The following NDUFA7 variants were observed in gnomAD, a reference collection of about 807,000 sequenced individuals.
The protein encoded by NDUFA7 is NADH:ubiquinone oxidoreductase subunit A7.
NDUFA7 carries 18 observed loss-of-function variants against 14.2 expected under a neutral mutation model. The observed-to-expected ratio is 1.27, with a 90% CI of 0.88 to 1.88. The LOEUF is 1.88. Ranked by LOEUF, NDUFA7 falls within the 40% of genes most tolerant of loss-of-function variation. The pLI is 0.00. For synonymous variants in NDUFA7, 75 were observed against 62.1 expected (o/e 1.21, Z -0.98); for missense variants, 172 against 147.3 (o/e 1.17, Z -0.87).
intron 3 of NDUFA7, among the ~76,000 whole-genome samples, chr19:8,313,862 GC>G (rs1970205383): frequency 6.6e-6 from 1 of 152,228 alleles, no homozygotes; most frequent in African/African-American, 2.4e-5. Context: ...CTGACTCTGT[GC>G]CAGGCTCCAA....
At chr19:8,314,247 G>A (rs1247450492) in intron 3 of NDUFA7, among the ~76,000 whole-genome samples, 1 of 151,918 alleles carries the variant, frequency 6.6e-6, no homozygotes, top group Non-Finnish European at 1.5e-5. Context: ...CTTGATCCTA[G>A]GAGGTGGAGG....
Position 8,316,515 on chromosome 19 carries a change from A to T in NDUFA7, c.232T>A (p.Ser78Thr). The T allele has an allele frequency of 4.3e-6, 7 of 1,613,958 alleles. No homozygotes were observed. Among genetic ancestry groups the T allele is most frequent in the Non-Finnish European group, 5.9e-6 (7 of 1,179,970 alleles). ...CCTCACCTCTCTGCTGGCTTGCCTG[A>T]CACCAGCGCCTTCTGCGACGACATG... is the stretch of plus-strand genomic sequence containing the variant. ...IIMSSQKALVSGKPAESSAVA... is the reference protein window; with the variant it reads ...IIMSSQKALVTGKPAESSAVA... Residue 78 changes from serine to threonine, a missense_variant, in exon 3 of 4, where the codon TCA becomes ACA. By Grantham distance (58) the Ser-to-Thr change is moderately conservative (BLOSUM62 1). Coordinates refer to ENST00000301457, the MANE Select transcript of NDUFA7 (RefSeq NM_005001.5).
At chr19:8,317,278 A>T (rs1176247819) in intron 2 of NDUFA7, among the ~76,000 whole-genome samples, 1 of 152,148 alleles carries the variant, frequency 6.6e-6, no homozygotes, top group Admixed American at 6.5e-5. Flanking sequence ...AGAAATGCTC[A>T]AAACAAGGAT....
rs886900204 is a variant in NDUFA7, at chr19:8,318,902, C to T, written c.101+1955G>A. On this transcript the variant is annotated intron_variant, in intron 2 of 3. Coordinates refer to ENST00000301457, the MANE Select transcript of NDUFA7 (RefSeq NM_005001.5). ...AGGAGAATCACTTGAACCCGGGAGG[C>T]GGAGATTGCAGTGATCTCAGATCCG... Among the ~76,000 whole-genome samples, 6 of 148,702 alleles carry T rather than the reference C, an allele frequency of 4.0e-5. No individual in the cohort carries two copies. The East Asian group carries it at 6.1e-4, about 15-fold the overall frequency.
intron 2 of NDUFA7, among the ~76,000 whole-genome samples, chr19:8,317,613 T>C (rs2145396993): frequency 6.6e-6 from 1 of 152,326 alleles, no homozygotes; most frequent in South Asian, 2.1e-4. Flanking sequence ...GCCATGTTTC[T>C]AAGTCACTTT....
In NDUFA7 at chr19:8,311,344, A is replaced by G; in HGVS notation, c.*161T>C. On this transcript the variant is annotated 3_prime_UTR_variant, in exon 4 of 4. Coordinates refer to ENST00000301457, the MANE Select transcript of NDUFA7 (RefSeq NM_005001.5). The stretch of plus-strand genomic sequence containing the variant: ...CGCTTGAGGCCAGGAGTTCAAGATC[A>G]GCCTGGGAAACATGGTGAGACTCTG... 1 of 539,158 alleles carries G rather than the reference A, an allele frequency of 1.9e-6. No individual in the cohort carries two copies. The highest frequency in any genetic ancestry group is 2.4e-5 in the South Asian group (1 of 41,600). 33.4% of individuals were successfully genotyped at this position (539,158 alleles called of 1,614,324 possible). A position where few individuals can be genotyped will look rare whatever the true frequency, so the allele number is the denominator to read the frequency against.
chr19:8,315,883 G>T (rs867473765), intron 3 of NDUFA7, among the ~76,000 whole-genome samples: 4 of 151,936 alleles, frequency 2.6e-5, no homozygotes, highest in African/African-American at 9.7e-5. Flanking sequence ...GGCCAGGCAC[G>T]GTGGGTCACG....
rs539463077 is a variant in NDUFA7 at position 8,321,192 on chromosome 19, G to A, written c.51+116C>T. 5.1e-4 allele frequency: 656 copies of A among 1,274,004 alleles called. 4 individuals carry two copies. The African/African-American group carries it at 9.0e-3, about 17-fold the overall frequency. 78.9% of individuals were successfully genotyped at this position (1,274,004 alleles called of 1,614,324 possible). ...GGGGTGACTAGCTGGGGGTTCCCAG[G>A]GAGATTCGGGGAGAGCGAAGGGTCC... On this transcript the variant is annotated intron_variant, in intron 1 of 3. Transcript: ENST00000301457.
chr19:8,318,618 A>T (rs1450006206), intron 2 of NDUFA7, among the ~76,000 whole-genome samples: 1 of 127,960 alleles, frequency 7.8e-6, no homozygotes, highest in Non-Finnish European at 1.6e-5. Context: ...GTGAGCTATG[A>T]TTGTGCCACT....
intron 2 of NDUFA7, 137 bp downstream of exon 2, chr19:8,320,720 C>T (rs1245920410): frequency 3.7e-6 from 4 of 1,092,552 alleles, no homozygotes; most frequent in Admixed American, 1.9e-5. Flanking sequence ...AAAGGCAAAC[C>T]TCTGCCTCCA....
chr19:8,321,048 C>G, intron 1 of NDUFA7, 142 bp from the exon 2 acceptor site: 3 of 1,002,314 alleles, frequency 3.0e-6, no homozygotes, highest in South Asian at 1.5e-5. Context: ...GGATGTGGGT[C>G]CTGCAGGTGA....
intron 2 of NDUFA7, among the ~76,000 whole-genome samples, chr19:8,320,527 G>C (rs1970290028): frequency 6.6e-6 from 1 of 152,156 alleles, no homozygotes; most frequent in Non-Finnish European, 1.5e-5. Context: ...CCACTTTTTA[G>C]CTTCTGAGTG....
At chr19:8,313,505 C>T (rs1970201855) in intron 3 of NDUFA7, among the ~76,000 whole-genome samples, 1 of 152,266 alleles carries the variant, frequency 6.6e-6, no homozygotes, top group African/African-American at 2.4e-5. Context: ...GCTGGGATTA[C>T]AGGCGTGAGC....
At chr19:8,321,042 G>T in intron 1 of NDUFA7, 136 bp from the exon 2 acceptor site, 1 of 1,048,140 alleles carries the variant, frequency 9.5e-7, no homozygotes, top group Non-Finnish European at 1.4e-6. Context: ...GGAAACGGAT[G>T]TGGGTCCTGC....
downstream of NDUFA7, chr19:8,310,830 TGAGA>T (rs1970168462): frequency 6.7e-6 from 1 of 149,306 alleles, no homozygotes; most frequent in Non-Finnish European, 1.5e-5. Flanking sequence ...GTCAGGAATT[TGAGA>T]CCAGCCTGGC....
At chr19:8,317,808 C>T (rs550102563) in intron 2 of NDUFA7, among the ~76,000 whole-genome samples, 4 of 152,230 alleles carry the variant, frequency 2.6e-5, no homozygotes, top group South Asian at 2.1e-4. Context: ...GAACTACAGG[C>T]GCACACTACC....
In NDUFA7 at chr19:8,321,336, A is replaced by C. The variant is rs201791515; in HGVS notation, c.23T>G (p.Ile8Ser). 260 of 1,580,426 alleles carry C rather than the reference A, an allele frequency of 1.6e-4. 3 individuals are homozygous for C. The African/African-American group carries it at 3.2e-3, about 20-fold the overall frequency. The change falls in exon 1 of 4, where the codon ATC becomes AGC. Residue 8 changes from isoleucine (I) to serine (S), a missense_variant. Physicochemically the swap from Ile to Ser is moderately radical, Grantham distance 142 (BLOSUM62 -2). Coordinates refer to ENST00000301457, the MANE Select transcript of NDUFA7 (RefSeq NM_005001.5). ...GGACGCCCAGTTCCGCAGCCGCTGG[A>C]TGAGACGGGTGGCGGACGCCATCTT... MASATRL[I>S]QRLRNWASGH...
chr19:8,317,154 GCCA>G (rs1970245227), intron 2 of NDUFA7, among the ~76,000 whole-genome samples: 1 of 152,164 alleles, frequency 6.6e-6, no homozygotes, highest in African/African-American at 2.4e-5. Flanking sequence ...TGCATTTCCT[GCCA>G]CCATGTGGCC....
chr19:8,312,455 C>G (rs1970189451), intron 3 of NDUFA7, among the ~76,000 whole-genome samples: 1 of 152,154 alleles, frequency 6.6e-6, no homozygotes, highest in African/African-American at 2.4e-5. Context: ...TCCAGTGAAT[C>G]AGAAGGTGAC....
Sources: gnomAD v4.1 joint callset for allele counts (sites outside exome capture counted in the v4.1 genomes callset) on GRCh38, gnomAD v4.1.1 for gene constraint, MANE v1.5 for transcripts, NCBI Gene and HGNC (gene_info 2026-07-23, HGNC 2026-07-21) for gene names.